The following TMEM108 variants were observed in gnomAD, a reference collection of about 807,000 sequenced individuals.
TMEM108 encodes the protein transmembrane protein 108, also known as cancer/testis antigen 124.
TMEM108 carries 12 observed loss-of-function variants against 35.1 expected under a neutral mutation model. The ratio of observed to expected loss-of-function variants is 0.34; its 90% CI spans 0.22 to 0.55. TMEM108 has a LOEUF of 0.55. TMEM108 is among the 20% of genes least tolerant of loss of function. TMEM108 has a pLI of 0.89. For synonymous variants in TMEM108, 287 were observed against 308.6 expected (o/e 0.93, Z 0.73); for missense variants, 680 against 753.3 (o/e 0.90, Z 1.14).
At chr3:133,345,545 G>T (rs1478844893) in intron 3 of TMEM108, among the ~76,000 whole-genome samples, 1 of 151,494 alleles carries the variant, frequency 6.6e-6, no homozygotes, top group East Asian at 1.9e-4. Flanking sequence ...TCAAATAAAT[G>T]CAATATGATG....
intron 2 of TMEM108, among the ~76,000 whole-genome samples, chr3:133,050,994 T>G (rs1410427744): frequency 6.7e-6 from 1 of 148,936 alleles, no homozygotes; most frequent in Non-Finnish European, 1.5e-5. Context: ...TTTTTTTTTG[T>G]GGACATAAAT....
chr3:133,387,939 C>A, intron 4 of TMEM108: 1 of 985,432 alleles, frequency 1.0e-6, no homozygotes, highest in Non-Finnish European at 1.2e-6. Flanking sequence ...ATCTTTCTAC[C>A]TTAGAGAGGC....
chr3:133,065,303 CGCACAT>C lies in TMEM108; in HGVS notation c.-47+19289_-47+19294del, dbSNP rs1327846291. Among the ~76,000 whole-genome samples, 17 of 152,072 alleles carry C rather than the reference CGCACAT, an allele frequency of 1.1e-4. No homozygotes were observed. The South Asian group carries it at 3.5e-3, about 32-fold the overall frequency. On this transcript the variant is annotated intron_variant, in intron 2 of 5. Transcript: ENST00000321871. Reference sequence around the variant, plus strand: ...AGGTAGCCACACACACACACACACACGCACATGCACACACACATGCACAGAGATGTT... The same window carrying C: ...AGGTAGCCACACACACACACACACACGCACACACACATGCACAGAGATGTT...
chr3:133,254,642 A>G (rs977510011), intron 3 of TMEM108, among the ~76,000 whole-genome samples: 3 of 152,222 alleles, frequency 2.0e-5, no homozygotes, highest in Non-Finnish European at 2.9e-5. Context: ...TTGATGATTG[A>G]TTGATTAAGA....
At chr3:133,256,814 C>A (rs746883650) in intron 3 of TMEM108, among the ~76,000 whole-genome samples, 1 of 152,182 alleles carries the variant, frequency 6.6e-6, no homozygotes, top group Non-Finnish European at 1.5e-5. Flanking sequence ...TCAGTAAGCA[C>A]AGTAAATGTA....
chr3:133,283,884 A>G (rs1946949160), intron 3 of TMEM108, among the ~76,000 whole-genome samples: 1 of 152,252 alleles, frequency 6.6e-6, no homozygotes, highest in African/African-American at 2.4e-5. Flanking sequence ...ACTCAGCAAT[A>G]GCATTTCTGA....
intron 2 of TMEM108, among the ~76,000 whole-genome samples, chr3:133,170,538 G>A (rs1945114920): frequency 6.6e-6 from 1 of 152,160 alleles, no homozygotes; most frequent in African/African-American, 2.4e-5. Flanking sequence ...AGTTTAAAAT[G>A]TAGCCAATAT....
chr3:133,349,851 AG>A (rs2071937659), intron 3 of TMEM108, among the ~76,000 whole-genome samples: 1 of 152,200 alleles, frequency 6.6e-6, no homozygotes, highest in Admixed American at 6.5e-5. Context: ...AAACTAGTAC[AG>A]CCATTATGGA....
chr3:133,159,210 C>A (rs943565485), intron 2 of TMEM108, among the ~76,000 whole-genome samples: 1 of 152,134 alleles, frequency 6.6e-6, no homozygotes, highest in African/African-American at 2.4e-5. Context: ...TCACACCAGT[C>A]GATAGTGATG....
At chr3:133,200,284 C>T (rs950341352) in intron 2 of TMEM108, among the ~76,000 whole-genome samples, 6 of 152,290 alleles carry the variant, frequency 3.9e-5, no homozygotes, top group East Asian at 1.9e-4. Context: ...CTGCACCCAC[C>T]GTCCAACAAG....
chr3:133,177,092 T>C (rs1945243486), intron 2 of TMEM108, among the ~76,000 whole-genome samples: 1 of 152,174 alleles, frequency 6.6e-6, no homozygotes, highest in Non-Finnish European at 1.5e-5. Flanking sequence ...CCTCGATACA[T>C]ACACCCTCCC....
At chr3:133,084,230 A>G (rs557794267) in intron 2 of TMEM108, among the ~76,000 whole-genome samples, 4 of 152,316 alleles carry the variant, frequency 2.6e-5, no homozygotes, top group Non-Finnish European at 4.4e-5. Flanking sequence ...TTTTAATCCT[A>G]CTACCAGACT....
rs540119354 is a variant in TMEM108 at position 133,242,412 on chromosome 3, G to GT, written c.40+13067dup. Among the ~76,000 whole-genome samples, 967 of 152,332 alleles carry GT rather than the reference G, an allele frequency of 6.3e-3. 6 individuals are homozygous for GT. The highest frequency in any genetic ancestry group is 8.3e-3 in the Non-Finnish European group (564 of 68,034). ...AGAGATGGAACCATGAGTTTATACA[G>GT]TTTTTTGGAGAAGTTTAACCATAAA... On this transcript the variant is annotated intron_variant, in intron 3 of 5. Coordinates refer to ENST00000321871, the MANE Select transcript of TMEM108 (RefSeq NM_023943.4).
chr3:133,152,906 A>T (rs1944822605), intron 2 of TMEM108, among the ~76,000 whole-genome samples: 1 of 152,054 alleles, frequency 6.6e-6, no homozygotes, highest in African/African-American at 2.4e-5. Flanking sequence ...AGCAAAATAG[A>T]GCTAATTTCA....
At chr3:133,388,349 G>T (rs1197297) in intron 4 of TMEM108, 485,817 of 984,724 alleles carry the variant, frequency 0.49, 119,933 homozygotes, top group African/African-American at 0.51. Context: ...CTGTGGCAAG[G>T]CGGCCAGCAC....
At chr3:133,315,975 C>T (rs149006523) in intron 3 of TMEM108, among the ~76,000 whole-genome samples, 15 of 152,332 alleles carry the variant, frequency 9.8e-5, no homozygotes, top group Non-Finnish European at 2.1e-4. Context: ...GACCTCCGCA[C>T]TACTAAGAAC....
Position 133,380,747 on chromosome 3 carries a change from C to T in TMEM108, c.1036C>T (p.Leu346=), listed in dbSNP as rs1333853861. Residue 346 remains leucine (L), a synonymous_variant, in exon 4 of 6, where the codon CTG becomes TTG. Transcript: ENST00000321871. The surrounding 1 kb of genome is among the most constrained non-coding windows in gnomAD (Gnocchi z 5.3). ...LTVTPGTSRP[L]STSSGVFTAA... is the part of the protein sequence containing the mutation. ...TGTTACCCCTGGCACCAGCAGACCT[C>T]TGTCTACCAGCTCTGGGGTCTTCAC... 1.9e-6 allele frequency: 3 copies of T among 1,614,162 alleles called. No individual in the cohort carries two copies. The highest frequency in any genetic ancestry group is 3.3e-5 in the Admixed American group (2 of 60,028).
At chr3:133,169,615 A>C (rs1945098440) in intron 2 of TMEM108, among the ~76,000 whole-genome samples, 2 of 152,218 alleles carry the variant, frequency 1.3e-5, no homozygotes, top group South Asian at 2.1e-4. Flanking sequence ...ATGGAATATT[A>C]TCAAAGCTAT....
chr3:133,095,996 T>C (rs988338308), intron 2 of TMEM108, among the ~76,000 whole-genome samples: 3 of 152,228 alleles, frequency 2.0e-5, no homozygotes, highest in Non-Finnish European at 2.9e-5. Flanking sequence ...TAATTTTTGC[T>C]GTGTGGACCA....
Sources: gnomAD v4.1 joint callset for allele counts (sites outside exome capture counted in the v4.1 genomes callset) on GRCh38, gnomAD v4.1.1 for gene constraint, Gnocchi (gnomAD v3.1) non-coding constraint, MANE v1.5 for transcripts, NCBI Gene and HGNC (gene_info 2026-07-23, HGNC 2026-07-21) for gene names.